The following KPNA3 variants were observed in gnomAD, a reference collection of about 807,000 sequenced individuals.
KPNA3 encodes karyopherin subunit alpha 3, also known as importin subunit alpha-4.
Under a neutral mutation model 73.8 loss-of-function variants are expected in KPNA3, and 13 were observed. The ratio of observed to expected loss-of-function variants is 0.18; its 90% CI spans 0.11 to 0.28. The LOEUF is 0.28. Among genes scored for constraint, KPNA3 ranks in the 10% least tolerant of loss-of-function variants. The pLI is 1.00. For missense variants in KPNA3, 360 were observed against 618.1 expected, an observed-to-expected ratio of 0.58 and a Z score of 4.43; for synonymous variants, 186 against 206.9, an observed-to-expected ratio of 0.90 and a Z score of 0.87.
chr13:49,748,725 T>C (rs1954638707), intron 1 of KPNA3, among the ~76,000 whole-genome samples: 2 of 152,244 alleles, frequency 1.3e-5, no homozygotes, highest in South Asian at 4.1e-4. Context: ...TTTCATGTGA[T>C]GGAATTATAT....
At chr13:49,789,667 C>T (rs180802150) in intron 1 of KPNA3, among the ~76,000 whole-genome samples, 1 of 152,334 alleles carries the variant, frequency 6.6e-6, no homozygotes, top group African/African-American at 2.4e-5. Flanking sequence ...TTCTAATGGA[C>T]AAGACTAAGC....
rs67753113 is a variant in KPNA3, at chr13:49,768,567, ATTTTTTTT to A, written c.70-21582_70-21575del. Among the ~76,000 whole-genome samples the A allele has an allele frequency of 2.7e-3, 174 of 64,890 alleles. 1 individual carries two copies. The highest frequency in any genetic ancestry group is 9.8e-3 in the African/African-American group (158 of 16,080). The allele number at this position is 64,890 out of a possible 152,430, so 42.6% of individuals were successfully genotyped here. A position where few individuals can be genotyped will look rare whatever the true frequency, so the allele number is the denominator to read the frequency against. On this transcript the variant is annotated intron_variant, in intron 1 of 16. Coordinates refer to ENST00000261667, the MANE Select transcript of KPNA3 (RefSeq NM_002267.4). ...GGCCTGTCTTCATTTGGGTTAATCA[ATTTTTTTT>A]TTTTTTTTTTTTTTTTTTTTTAGCA...
chr13:49,771,173 GAAA>G (rs1189748637), intron 1 of KPNA3, among the ~76,000 whole-genome samples: 1 of 147,888 alleles, frequency 6.8e-6, no homozygotes, highest in African/African-American at 2.5e-5. Flanking sequence ...GAAAAGAATA[GAAA>G]AAAAGAAAAA....
chr13:49,724,796 C>G (rs1277217963), intron 7 of KPNA3, among the ~76,000 whole-genome samples: 1 of 152,068 alleles, frequency 6.6e-6, no homozygotes, highest in Non-Finnish European at 1.5e-5. Context: ...ACGATTTTGT[C>G]ATGTCACCTA....
intron 1 of KPNA3, among the ~76,000 whole-genome samples, chr13:49,754,845 T>C (rs1363673806): frequency 1.3e-5 from 2 of 152,104 alleles, no homozygotes; most frequent in Non-Finnish European, 2.9e-5. Flanking sequence ...AATACCTAAT[T>C]TGAATAACGC....
At chr13:49,763,959 C>G (rs759270350) in intron 1 of KPNA3, among the ~76,000 whole-genome samples, 1 of 150,268 alleles carries the variant, frequency 6.7e-6, no homozygotes, top group South Asian at 2.1e-4. Context: ...CTCAGCTATT[C>G]GGGAGACTGA....
chr13:49,717,684 T>C (rs1422796744), intron 10 of KPNA3, among the ~76,000 whole-genome samples: 1 of 152,206 alleles, frequency 6.6e-6, no homozygotes, highest in Non-Finnish European at 1.5e-5. Flanking sequence ...ATGGAGATAA[T>C]GAGAGTACCA....
chr13:49,707,283 T>A (rs1359871367), intron 12 of KPNA3, among the ~76,000 whole-genome samples: 1 of 152,226 alleles, frequency 6.6e-6, no homozygotes, highest in Non-Finnish European at 1.5e-5. Flanking sequence ...CATGTGTATC[T>A]TCCTCTTCCA....
chr13:49,782,858 T>C (rs1407685538), intron 1 of KPNA3, among the ~76,000 whole-genome samples: 1 of 151,118 alleles, frequency 6.6e-6, no homozygotes, highest in African/African-American at 2.4e-5. Context: ...CAAGACCCTG[T>C]CTCAAAGAAA....
chr13:49,770,848 AAAAAG>A (rs1293661043), intron 1 of KPNA3, among the ~76,000 whole-genome samples: 21 of 148,082 alleles, frequency 1.4e-4, no homozygotes, highest in Middle Eastern at 3.4e-3. Context: ...AAAAAAAAAA[AAAAAG>A]AAAAGAAAAA....
intron 10 of KPNA3, among the ~76,000 whole-genome samples, chr13:49,717,208 C>T (rs942005325): frequency 6.6e-6 from 1 of 152,026 alleles, no homozygotes; most frequent in South Asian, 2.1e-4. Flanking sequence ...TTTAAAAAAT[C>T]TACAATGACT....
At chr13:49,718,910 A>C (rs1954329543) in intron 10 of KPNA3, among the ~76,000 whole-genome samples, 1 of 152,176 alleles carries the variant, frequency 6.6e-6, no homozygotes. Flanking sequence ...AATTACACAC[A>C]ATTCACAATT....
At chr13:49,747,754 G>C (rs370704848) in intron 1 of KPNA3, among the ~76,000 whole-genome samples, 45 of 152,288 alleles carry the variant, frequency 3.0e-4, no homozygotes, top group East Asian at 1.9e-3. Context: ...TAAATGATGA[G>C]CTACAATTAG....
chr13:49,770,295 C>T (rs1220789070), intron 1 of KPNA3, among the ~76,000 whole-genome samples: 1 of 150,958 alleles, frequency 6.6e-6, no homozygotes, highest in Non-Finnish European at 1.5e-5. Flanking sequence ...CCCACCTCAG[C>T]CTCCCAAGCA....
intron 2 of KPNA3, among the ~76,000 whole-genome samples, chr13:49,741,232 A>G (rs1954570791): frequency 6.6e-6 from 1 of 152,134 alleles, no homozygotes; most frequent in African/African-American, 2.4e-5. Flanking sequence ...TAATGTCTAT[A>G]CTAATTTACA....
chr13:49,782,707 T>A (rs1954950929), intron 1 of KPNA3, among the ~76,000 whole-genome samples: 1 of 151,974 alleles, frequency 6.6e-6, no homozygotes, highest in Non-Finnish European at 1.5e-5. Flanking sequence ...GGCGAAACCC[T>A]GTCTCTACAA....
intron 10 of KPNA3, among the ~76,000 whole-genome samples, chr13:49,717,328 G>T (rs1006960445): frequency 5.9e-5 from 9 of 151,592 alleles, no homozygotes; most frequent in Admixed American, 1.3e-4. Flanking sequence ...TACTGGAGAG[G>T]CTGAGGCAGG....
At chr13:49,791,231 C>A (rs1444260403) in intron 1 of KPNA3, among the ~76,000 whole-genome samples, 1 of 152,132 alleles carries the variant, frequency 6.6e-6, no homozygotes, top group Non-Finnish European at 1.5e-5. Flanking sequence ...TTCCTTAAGA[C>A]AGGATAAAAC....
At chr13:49,733,128 T>C in intron 2 of KPNA3, 82 bp from the exon 3 acceptor site, 2 of 841,272 alleles carry the variant, frequency 2.4e-6, no homozygotes, top group East Asian at 4.8e-5. Context: ...TCAACTTTAT[T>C]AGGCAATTAT....
Sources: gnomAD v4.1 joint callset for allele counts (sites outside exome capture counted in the v4.1 genomes callset) on GRCh38, gnomAD v4.1.1 for gene constraint, MANE v1.5 for transcripts, NCBI Gene and HGNC (gene_info 2026-07-23, HGNC 2026-07-21) for gene names.